PADI4: variants seen among roughly 807,000 people sequenced by gnomAD.
PADI4 encodes the protein protein-arginine deiminase type-4.
In PADI4, 62 loss-of-function variants were observed where a neutral mutation model predicts 75.0. The ratio of observed to expected loss-of-function variants is 0.83; its 90% CI spans 0.67 to 1.02. The LOEUF (loss-of-function observed/expected upper bound fraction) is 1.02. Ranked by LOEUF, PADI4 falls within the 50% of genes least tolerant of loss-of-function variation. PADI4 has a pLI of 0.00. For missense variants in PADI4, 845 were observed against 850.5 expected, an observed-to-expected ratio of 0.99 and a Z score of 0.08; for synonymous variants, 361 against 348.1, an observed-to-expected ratio of 1.04 and a Z score of -0.41.
At chr1:17,317,356 C>T (rs914660434) in intron 1 of PADI4, among the ~76,000 whole-genome samples, 22 of 152,156 alleles carry the variant, frequency 1.4e-4, no homozygotes, top group African/African-American at 5.1e-4. Flanking sequence ...GCAATCTCCA[C>T]CTCCCAGGTT....
At chr1:17,347,014 C>T (rs190036932) in intron 9 of PADI4, among the ~76,000 whole-genome samples, 35 of 151,816 alleles carry the variant, frequency 2.3e-4, no homozygotes, top group Non-Finnish European at 4.4e-4. Flanking sequence ...CTCGGCTCAT[C>T]ACAACCTCTG....
At chr1:17,316,939 T>G (rs2073951230) in intron 1 of PADI4, among the ~76,000 whole-genome samples, 1 of 152,058 alleles carries the variant, frequency 6.6e-6, no homozygotes, top group African/African-American at 2.4e-5. Context: ...CAAGACCTCA[T>G]AGTGCTGCCG....
intron 8 of PADI4, among the ~76,000 whole-genome samples, chr1:17,345,794 A>T (rs1340310250): frequency 6.6e-6 from 1 of 152,204 alleles, no homozygotes; most frequent in Non-Finnish European, 1.5e-5. Flanking sequence ...CTTTATCAGC[A>T]GCGTGAAAAC....
Position 17,329,174 on chromosome 1 carries a change from G to A in PADI4, c.93-1795G>A, listed in dbSNP as rs190757451. 7.9e-5 allele frequency among the ~76,000 whole-genome samples: 12 copies of A among 151,326 alleles called. No homozygotes were observed. In the South Asian group the frequency reaches 1.3e-3, roughly 16 times the overall value. ...ACAACTGACCCTTGAATAACATTGT[G>A]GATAGGACTGCTGACCCCCAATGTA... On this transcript the variant is annotated intron_variant, in intron 1 of 15. Coordinates refer to ENST00000375448, the MANE Select transcript of PADI4 (RefSeq NM_012387.3).
At chr1:17,363,055 G>A (rs1191187354) in intron 15 of PADI4, among the ~76,000 whole-genome samples, 2 of 152,110 alleles carry the variant, frequency 1.3e-5, no homozygotes, top group Non-Finnish European at 2.9e-5. Flanking sequence ...GACCTCAGGT[G>A]ATCCACTCGC....
chr1:17,321,115 G>C (rs2074025151), intron 1 of PADI4, among the ~76,000 whole-genome samples: 1 of 152,182 alleles, frequency 6.6e-6, no homozygotes. Context: ...ATCCCTTTTG[G>C]TTGGAGTGAT....
chr1:17,363,444 A>C, intron 15 of PADI4, 78 bp from the exon 16 acceptor site: 1 of 966,620 alleles, frequency 1.0e-6, no homozygotes, highest in Middle Eastern at 3.0e-4. Context: ...TCCAAAGGTC[A>C]GAGAAGGGTG....
chr1:17,358,768 G>C, intron 13 of PADI4, 70 bp from the exon 14 acceptor site: 1 of 957,852 alleles, frequency 1.0e-6, no homozygotes, highest in East Asian at 2.6e-5. Flanking sequence ...GTCCCCCCCC[G>C]GCACTGGCTG....
At chr1:17,352,478 A>G (rs370404422) in intron 10 of PADI4, among the ~76,000 whole-genome samples, 11 of 152,292 alleles carry the variant, frequency 7.2e-5, no homozygotes, top group African/African-American at 2.6e-4. Flanking sequence ...TAAAGAGAAC[A>G]GAGGCAAGGG....
intron 2 of PADI4, among the ~76,000 whole-genome samples, chr1:17,332,507 C>T (rs536417969): frequency 6.6e-6 from 1 of 152,322 alleles, no homozygotes; most frequent in African/African-American, 2.4e-5. Flanking sequence ...ACCTCGGCCT[C>T]CCAAAGTGCT....
chr1:17,349,049 G>A lies in PADI4; in HGVS notation c.1155+1001G>A, dbSNP rs540466154. Among the ~76,000 whole-genome samples, 22 of 152,304 alleles carry A rather than the reference G, an allele frequency of 1.4e-4. No individual in the cohort carries two copies. The South Asian group carries it at 3.9e-3, about 27-fold the overall frequency. On this transcript the variant is annotated intron_variant, in intron 10 of 15. Coordinates refer to ENST00000375448, the MANE Select transcript of PADI4 (RefSeq NM_012387.3). ...AACTCAACAACTTGTCCCGAGTCTC[G>A]CTTCCTCCTGGCCAAGCTGTGCGCT...
chr1:17,340,685 T>C (rs2074401595), intron 6 of PADI4, among the ~76,000 whole-genome samples: 2 of 148,094 alleles, frequency 1.4e-5, no homozygotes, highest in Admixed American at 6.8e-5. Context: ...ATATTGACTT[T>C]GGCTTCTGGA....
intron 3 of PADI4, chr1:17,334,696 A>C (rs2100714625): frequency 2.2e-6 from 1 of 451,448 alleles, no homozygotes. Flanking sequence ...CTCAAATTCC[A>C]TTATTTATAT....
At chr1:17,333,744 C>T (rs1415852681) in intron 2 of PADI4, among the ~76,000 whole-genome samples, 199 bp from the exon 3 acceptor site, 1 of 152,040 alleles carries the variant, frequency 6.6e-6, no homozygotes, top group Non-Finnish European at 1.5e-5. Flanking sequence ...CCATAGGATG[C>T]TCTTCTGTAG....
chr1:17,331,384 C>T lies in PADI4; in HGVS notation c.273+235C>T, dbSNP rs183918267. On this transcript the variant is annotated intron_variant, in intron 2 of 15. Transcript: ENST00000375448. ...CTATTCAGCAAATCTTTAGTCAGTACCTAACACATGCCAGACACTGCTAGA... is the reference window on the plus strand; with the variant it reads ...CTATTCAGCAAATCTTTAGTCAGTATCTAACACATGCCAGACACTGCTAGA... 3.4e-3 allele frequency among the ~76,000 whole-genome samples: 512 copies of T among 152,266 alleles called. 3 individuals carry two copies. Among genetic ancestry groups the T allele is most frequent in the African/African-American group, 0.012 (488 of 41,538 alleles).
At chr1:17,348,090 C>G in intron 10 of PADI4, 42 bp downstream of exon 10, 4 of 1,296,392 alleles carry the variant, frequency 3.1e-6, no homozygotes, top group Non-Finnish European at 4.5e-6. Context: ...TGCCGAAACC[C>G]TCTTGTCTTG....
chr1:17,320,952 C>A (rs2074022586), intron 1 of PADI4, among the ~76,000 whole-genome samples: 1 of 152,132 alleles, frequency 6.6e-6, no homozygotes, highest in Admixed American at 6.6e-5. Flanking sequence ...AGGATAATCT[C>A]CCCATCTCAA....
At chr1:17,340,356 A>G (rs2074395673) in intron 6 of PADI4, among the ~76,000 whole-genome samples, 1 of 152,192 alleles carries the variant, frequency 6.6e-6, no homozygotes, top group South Asian at 2.1e-4. Context: ...CATGCTATGT[A>G]GAAGAATGCG....
chr1:17,330,349 G>T, intron 1 of PADI4, among the ~76,000 whole-genome samples: 1 of 152,182 alleles, frequency 6.6e-6, no homozygotes, highest in Admixed American at 6.6e-5. Context: ...GGGTTCTCCA[G>T]AGGGACAGAA....
Sources: gnomAD v4.1 joint callset for allele counts (sites outside exome capture counted in the v4.1 genomes callset) on GRCh38, gnomAD v4.1.1 for gene constraint, MANE v1.5 for transcripts, NCBI Gene and HGNC (gene_info 2026-07-23, HGNC 2026-07-21) for gene names.